CNST: variants seen among roughly 807,000 people sequenced by gnomAD.
The protein encoded by CNST is consortin, connexin sorting protein, also known as consortin.
In CNST, 39 loss-of-function variants were observed where a neutral mutation model predicts 72.4. That is an observed-to-expected ratio of 0.54 (90% CI 0.42 to 0.70). The LOEUF is 0.70. Ranked by LOEUF, CNST falls within the 30% of genes least tolerant of loss-of-function variation. The pLI is 0.00. For missense variants in CNST, 871 were observed against 868.5 expected (o/e 1.00, Z -0.04); for synonymous variants, 332 against 320.1 (o/e 1.04, Z -0.40).
intron 2 of CNST, among the ~76,000 whole-genome samples, chr1:246,605,438 G>A (rs941345601): frequency 3.9e-5 from 6 of 152,184 alleles, no homozygotes; most frequent in Non-Finnish European, 5.9e-5. Flanking sequence ...TTGGAACCCC[G>A]GGAGCGCGCC....
At chr1:246,580,751 CT>C (rs1164260986) in intron 1 of CNST, among the ~76,000 whole-genome samples, 7 of 149,200 alleles carry the variant, frequency 4.7e-5, no homozygotes, top group South Asian at 4.2e-4. Context: ...CTTTTTTTTT[CT>C]TTTTTTTTGA....
At chr1:246,614,357 A>C (rs1663541802) in intron 2 of CNST, among the ~76,000 whole-genome samples, 1 of 152,192 alleles carries the variant, frequency 6.6e-6, no homozygotes, top group South Asian at 2.1e-4. Context: ...TGTCAGCACT[A>C]AAAAAGTTTC....
chr1:246,638,205 A>G (rs1204706077), intron 6 of CNST, among the ~76,000 whole-genome samples: 1 of 152,198 alleles, frequency 6.6e-6, no homozygotes, highest in Non-Finnish European at 1.5e-5. Context: ...TTGATGTACC[A>G]TGGTCCTTGC....
At position 246,666,170 on chromosome 1, in the gene CNST, T is replaced by C. The variant is rs1667383527; in HGVS notation, c.*265T>C. On this transcript the variant is annotated 3_prime_UTR_variant, in exon 11 of 11. Transcript: ENST00000366513. Reference sequence around the variant, plus strand: ...ATCTCCTCCTCACTGCCTCCTAATGTCATGAGGTACACTGAGCAGAATTAA... The same window carrying C: ...ATCTCCTCCTCACTGCCTCCTAATGCCATGAGGTACACTGAGCAGAATTAA... 4.7e-6 allele frequency: 2 copies of C among 425,550 alleles called. No homozygotes were observed. The highest frequency in any genetic ancestry group is 6.8e-5 in the South Asian group (2 of 29,542). 26.4% of individuals were successfully genotyped at this position (425,550 alleles called of 1,614,324 possible). A position where few individuals can be genotyped will look rare whatever the true frequency, so the allele number is the denominator to read the frequency against.
At chr1:246,582,894 G>A (rs1572124446) in intron 1 of CNST, among the ~76,000 whole-genome samples, 1 of 152,186 alleles carries the variant, frequency 6.6e-6, no homozygotes, top group Non-Finnish European at 1.5e-5. Context: ...CCAGACCGTG[G>A]CTGAAGATGA....
intron 1 of CNST, among the ~76,000 whole-genome samples, chr1:246,588,488 A>G (rs12756527): frequency 0.34 from 51,411 of 152,030 alleles, 9,325 homozygotes; most frequent in East Asian, 0.66. Context: ...TTAGCAAGGA[A>G]GAATCCAGAA....
intron 1 of CNST, among the ~76,000 whole-genome samples, chr1:246,586,143 A>ATGTGTGTG (rs1558534263): frequency 9.7e-6 from 1 of 103,056 alleles, no homozygotes; most frequent in African/African-American, 3.8e-5. Context: ...GTGTGTGTGT[A>ATGTGTGTG]TATATTACTG....
At chr1:246,650,431 A>C (rs2103141440) in intron 9 of CNST, among the ~76,000 whole-genome samples, 1 of 152,312 alleles carries the variant, frequency 6.6e-6, no homozygotes, top group South Asian at 2.1e-4. Flanking sequence ...CTTTCTGAAT[A>C]CTTACTACCC....
At chr1:246,584,713 C>T (rs1661025448) in intron 1 of CNST, among the ~76,000 whole-genome samples, 1 of 152,096 alleles carries the variant, frequency 6.6e-6, no homozygotes, top group South Asian at 2.1e-4. Flanking sequence ...TCCACAGCTG[C>T]CAGGACAGTT....
chr1:246,600,445 AG>A (rs1053016231), intron 2 of CNST, among the ~76,000 whole-genome samples: 1 of 152,212 alleles, frequency 6.6e-6, no homozygotes, highest in Non-Finnish European at 1.5e-5. Context: ...TACAGAGTTA[AG>A]GGGTTTTACA....
In CNST at chr1:246,591,733, G is replaced by T; in HGVS notation, c.171G>T (p.Ala57=). The part of the protein sequence containing the change: ...GHEHLTSSDS[A]MGKPQVSEQD... ...AGCATCTGACCAGCAGTGACAGTGC[G>T]ATGGGAAAGCCCCAAGTGTCTGAGC... Residue 57 remains alanine (A), a synonymous_variant, in exon 2 of 11, where the codon GCG becomes GCT. Transcript: ENST00000366513. The T allele has an allele frequency of 6.2e-7, 1 of 1,614,194 alleles. No individual in the cohort carries two copies. The highest frequency in any genetic ancestry group is 1.1e-5 in the South Asian group (1 of 91,084).
At chr1:246,639,416 T>A (rs1296434334) in intron 6 of CNST, among the ~76,000 whole-genome samples, 1 of 152,088 alleles carries the variant, frequency 6.6e-6, no homozygotes, top group Non-Finnish European at 1.5e-5. Context: ...ATTTCTTGCT[T>A]AGTTTGCGGA....
intron 9 of CNST, 166 bp downstream of exon 9, chr1:246,648,203 T>C: frequency 7.1e-7 from 1 of 1,403,330 alleles, no homozygotes; most frequent in Non-Finnish European, 9.2e-7. Context: ...TTTGTATGTA[T>C]TGAATAAAAT....
In CNST at chr1:246,591,633, G is replaced by A. The variant is rs1460585751; in HGVS notation, c.71G>A (p.Ser24Asn). 6.2e-7 allele frequency: 1 copy of A among 1,614,224 alleles called. No homozygotes were observed. Among genetic ancestry groups the A allele is most frequent in the Non-Finnish European group, 8.5e-7 (1 of 1,180,036 alleles). ...EPQDGCHPGD[S>N]VERSVTCLPS... ...CAAGATGGATGTCATCCTGGTGACA[G>A]CGTGGAAAGGAGTGTGACCTGTCTG... The change falls in exon 2 of 11, where the codon AGC (serine) becomes AAC (asparagine). Residue 24 changes from serine to asparagine, a missense_variant. Physicochemically the swap from Ser to Asn is conservative, Grantham distance 46 (BLOSUM62 1). Transcript: ENST00000366513.
rs561656395 is a variant in CNST, at chr1:246,635,261, G to A, written c.818+674G>A. ...CTTGAGAGTCGGGTTGGTATCCATCGTGTCGTTGTAGCAGGAGCATCGTCT... is the reference window on the plus strand; with the variant it reads ...CTTGAGAGTCGGGTTGGTATCCATCATGTCGTTGTAGCAGGAGCATCGTCT... On this transcript the variant is annotated intron_variant, in intron 6 of 10. Transcript: ENST00000366513. Among the ~76,000 whole-genome samples, 8 of 151,842 alleles carry A rather than the reference G, an allele frequency of 5.3e-5. No individual in the cohort carries two copies. The East Asian group carries it at 1.6e-3, about 29-fold the overall frequency.
chr1:246,662,539 C>A (rs901140834), intron 10 of CNST, among the ~76,000 whole-genome samples: 2 of 152,106 alleles, frequency 1.3e-5, no homozygotes, highest in African/African-American at 4.8e-5. Context: ...CAGGCATGTT[C>A]CCCGACGCCT....
At chr1:246,597,382 C>T (rs1214423469) in intron 2 of CNST, among the ~76,000 whole-genome samples, 1 of 152,222 alleles carries the variant, frequency 6.6e-6, no homozygotes, top group Non-Finnish European at 1.5e-5. Context: ...AGTCACTCCT[C>T]ATTCTTCCCT....
intron 9 of CNST, among the ~76,000 whole-genome samples, chr1:246,658,026 A>G (rs1255399823): frequency 2.6e-5 from 4 of 152,206 alleles, no homozygotes; most frequent in African/African-American, 9.6e-5. Flanking sequence ...AGGTGAATTC[A>G]CCATTGGTAA....
chr1:246,659,609 T>A (rs1454054900), intron 9 of CNST, among the ~76,000 whole-genome samples: 7 of 149,062 alleles, frequency 4.7e-5, no homozygotes, highest in African/African-American at 7.4e-5. Flanking sequence ...AAAAAAAAAA[T>A]GTCCCTAGTA....
Sources: gnomAD v4.1 joint callset for allele counts (sites outside exome capture counted in the v4.1 genomes callset) on GRCh38, gnomAD v4.1.1 for gene constraint, MANE v1.5 for transcripts, NCBI Gene and HGNC (gene_info 2026-07-23, HGNC 2026-07-21) for gene names.